Variants in SPAG16 observed in about 807,000 individuals in gnomAD.
The protein encoded by SPAG16 is sperm-associated antigen 16 protein.
Under a neutral mutation model 80.4 loss-of-function variants are expected in SPAG16, and 86 were observed. The observed-to-expected ratio is 1.07, with a 90% confidence interval of 0.90 to 1.28. SPAG16 has a LOEUF of 1.28. Ranked by LOEUF, SPAG16 falls within the 50% of genes most tolerant of loss-of-function variation. The probability of loss-of-function intolerance (pLI) is 0.00; values close to 1 mark genes in which losing one functional copy is unlikely to be tolerated. For missense variants in SPAG16, 870 were observed against 765.3 expected, an observed-to-expected ratio of 1.14 and a Z score of -1.61; for synonymous variants, 294 against 265.9, an observed-to-expected ratio of 1.11 and a Z score of -1.03.
At chr2:213,318,166 G>C (rs1410194729) in intron 5 of SPAG16, among the ~76,000 whole-genome samples, 1 of 151,896 alleles carries the variant, frequency 6.6e-6, no homozygotes, top group East Asian at 1.9e-4. Context: ...CCACTACTGG[G>C]TATCTACTCA....
intron 12 of SPAG16, among the ~76,000 whole-genome samples, chr2:213,993,363 C>A (rs2046370775): frequency 6.6e-6 from 1 of 152,160 alleles, no homozygotes; most frequent in Admixed American, 6.5e-5. Flanking sequence ...AATGTAATGG[C>A]AGAAGTCATT....
At chr2:213,612,498 T>C (rs1043365396) in intron 10 of SPAG16, among the ~76,000 whole-genome samples, 1 of 152,182 alleles carries the variant, frequency 6.6e-6, no homozygotes, top group Non-Finnish European at 1.5e-5. Flanking sequence ...AAACTTAACA[T>C]GTGCAGATAT....
At chr2:213,776,873 T>C (rs976088976) in intron 10 of SPAG16, among the ~76,000 whole-genome samples, 1 of 123,382 alleles carries the variant, frequency 8.1e-6, no homozygotes, top group African/African-American at 3.1e-5. Context: ...ATATAACACA[T>C]ACATGTTCTT....
chr2:213,324,612 T>C (rs953262694), intron 5 of SPAG16, among the ~76,000 whole-genome samples: 4 of 152,322 alleles, frequency 2.6e-5, no homozygotes, highest in Middle Eastern at 3.4e-3. Context: ...CTAAGTAGTA[T>C]TCTGTTGTAT....
chr2:213,439,598 C>T (rs1392641818), intron 9 of SPAG16, among the ~76,000 whole-genome samples: 1 of 152,084 alleles, frequency 6.6e-6, no homozygotes, highest in Non-Finnish European at 1.5e-5. Context: ...TTTCTTCTTC[C>T]TGCTTATGGT....
chr2:214,331,412 G>A (rs1181835608), intron 15 of SPAG16, among the ~76,000 whole-genome samples: 1 of 152,152 alleles, frequency 6.6e-6, no homozygotes, highest in Non-Finnish European at 1.5e-5. Context: ...ACAGCTTAAA[G>A]TTTAATGGAA....
intron 5 of SPAG16, among the ~76,000 whole-genome samples, chr2:213,335,666 A>T (rs987689384): frequency 1.3e-5 from 2 of 152,118 alleles, no homozygotes; most frequent in African/African-American, 4.8e-5. Context: ...TCCTCAGATG[A>T]TTTTTCAAGA....
intron 9 of SPAG16, among the ~76,000 whole-genome samples, chr2:213,474,158 A>G (rs1266433531): frequency 6.6e-6 from 1 of 152,212 alleles, no homozygotes; most frequent in Non-Finnish European, 1.5e-5. Context: ...CTTCATCAGC[A>G]TCCTTCCACA....
chr2:213,897,426 C>A (rs1243498345), intron 11 of SPAG16, among the ~76,000 whole-genome samples: 1 of 152,110 alleles, frequency 6.6e-6, no homozygotes, highest in Non-Finnish European at 1.5e-5. Context: ...TTGAATGTTG[C>A]AATATATTTT....
chr2:214,164,317 A>G (rs1191206203), intron 15 of SPAG16, among the ~76,000 whole-genome samples: 1 of 152,162 alleles, frequency 6.6e-6, no homozygotes, highest in East Asian at 1.9e-4. Flanking sequence ...AAGAGAACAA[A>G]GAGTGATGAA....
chr2:213,412,563 ATTAAT>A (rs1310436991), intron 9 of SPAG16, among the ~76,000 whole-genome samples: 1 of 152,212 alleles, frequency 6.6e-6, no homozygotes, highest in Non-Finnish European at 1.5e-5. Flanking sequence ...TACTTCCCAT[ATTAAT>A]TTCTGTAAGT....
At chr2:213,761,152 T>C (rs1406047856) in intron 10 of SPAG16, among the ~76,000 whole-genome samples, 2 of 152,174 alleles carry the variant, frequency 1.3e-5, no homozygotes, top group Admixed American at 1.3e-4. Context: ...AACTTTGGAA[T>C]TTAAACAATA....
chr2:213,906,684 C>T (rs1195256878), intron 11 of SPAG16, among the ~76,000 whole-genome samples: 1 of 152,046 alleles, frequency 6.6e-6, no homozygotes, highest in Non-Finnish European at 1.5e-5. Context: ...AAAAATGAAA[C>T]AGCTTAGAGA....
chr2:214,089,140 GT>G (rs1280419858), intron 13 of SPAG16, among the ~76,000 whole-genome samples: 4 of 151,912 alleles, frequency 2.6e-5, no homozygotes, highest in Non-Finnish European at 5.9e-5. Context: ...GACAGAGGTT[GT>G]TTTTTTGGGC....
At chr2:214,244,400 A>AC (rs988236005) in intron 15 of SPAG16, among the ~76,000 whole-genome samples, 11 of 151,824 alleles carry the variant, frequency 7.2e-5, no homozygotes, top group African/African-American at 1.2e-4. Context: ...TTCCGAAAAA[A>AC]AAAAAAAAGA....
chr2:213,612,600 A>G (rs760970677), intron 10 of SPAG16, among the ~76,000 whole-genome samples: 19 of 152,196 alleles, frequency 1.2e-4, no homozygotes, highest in Non-Finnish European at 2.2e-4. Context: ...TCAACCACCA[A>G]TTGATCACAA....
intron 11 of SPAG16, among the ~76,000 whole-genome samples, chr2:213,917,482 C>G (rs944586531): frequency 2.0e-5 from 3 of 152,026 alleles, no homozygotes; most frequent in Non-Finnish European, 2.9e-5. Context: ...GTTGTAGAGA[C>G]GTTTCATTTC....
At chr2:213,464,350 C>G (rs2072556414) in intron 9 of SPAG16, among the ~76,000 whole-genome samples, 1 of 152,164 alleles carries the variant, frequency 6.6e-6, no homozygotes, top group Non-Finnish European at 1.5e-5. Context: ...TCTTTTCTGC[C>G]TTTCCCAAGG....
intron 9 of SPAG16, chr2:213,422,197 G>T: frequency 1.4e-6 from 1 of 701,290 alleles, no homozygotes; most frequent in South Asian, 1.5e-5. Context: ...GAAGCTCCAC[G>T]AGCCAGTGCT....
Sources: gnomAD v4.1 joint callset for allele counts (sites outside exome capture counted in the v4.1 genomes callset) on GRCh38, gnomAD v4.1.1 for gene constraint, MANE v1.5 for transcripts, NCBI Gene and HGNC (gene_info 2026-07-23, HGNC 2026-07-21) for gene names.